The following GCH1 variants were observed in gnomAD, a reference collection of about 807,000 sequenced individuals.
GCH1 encodes GTP cyclohydrolase I.
A neutral mutation model predicts 25.9 loss-of-function variants in GCH1; 5 were observed. The observed-to-expected ratio is 0.19, with a 90% CI of 0.10 to 0.41. The LOEUF (loss-of-function observed/expected upper bound fraction) is 0.41. GCH1 is among the 10% of genes least tolerant of loss of function. The probability of loss-of-function intolerance (pLI) is 1.00; values close to 1 mark genes in which losing one functional copy is unlikely to be tolerated. For synonymous variants in GCH1, 159 were observed against 129.6 expected, an observed-to-expected ratio of 1.23 and a Z score of -1.54; for missense variants, 261 against 336.5, an observed-to-expected ratio of 0.78 and a Z score of 1.75.
rs1325201177 is a variant in GCH1, at chr14:54,843,517, G to A, written c.*500C>T. ...AAAAATATATTTTTAAATGTCACTGGTGGTTTAATAAACATGACCAAAGTG... is the reference window on the plus strand; with the variant it reads ...AAAAATATATTTTTAAATGTCACTGATGGTTTAATAAACATGACCAAAGTG... On this transcript the variant is annotated 3_prime_UTR_variant, in exon 6 of 6. Transcript: ENST00000491895. The A allele has an allele frequency of 3.8e-6, 5 of 1,310,740 alleles. No individual in the cohort carries two copies. Among genetic ancestry groups the A allele is most frequent in the Non-Finnish European group, 3.9e-6 (4 of 1,031,264 alleles). 81.2% of individuals were successfully genotyped at this position (1,310,740 alleles called of 1,614,324 possible).
intron 1 of GCH1, among the ~76,000 whole-genome samples, chr14:54,892,426 C>T (rs1304234742): frequency 6.6e-6 from 1 of 152,116 alleles, no homozygotes; most frequent in African/African-American, 2.4e-5. Context: ...TGGTGGCTCA[C>T]GCCTGTAATC....
At chr14:54,879,038 G>A (rs1003515543) in intron 1 of GCH1, among the ~76,000 whole-genome samples, 2 of 152,130 alleles carry the variant, frequency 1.3e-5, no homozygotes, top group African/African-American at 4.8e-5. Flanking sequence ...CGAATTACAG[G>A]TGTGAGCCAC....
intron 3 of GCH1, among the ~76,000 whole-genome samples, chr14:54,858,581 C>T (rs922689108): frequency 1.3e-5 from 2 of 151,888 alleles, no homozygotes; most frequent in African/African-American, 2.4e-5. Flanking sequence ...AGACGGCACC[C>T]GGCCGAGACT....
At chr14:54,889,090 A>T (rs2040392536) in intron 1 of GCH1, among the ~76,000 whole-genome samples, 2 of 152,186 alleles carry the variant, frequency 1.3e-5, no homozygotes, top group Non-Finnish European at 2.9e-5. Flanking sequence ...TAACAGCTGG[A>T]GGCTGTCAGC....
In GCH1 at chr14:54,843,954, G is replaced by A. The variant is rs1425524790; in HGVS notation, c.*63C>T. ...GAAAATGGAATGTACAAACAAGACC[G>A]GACAGACAGACAATGCTACTGGCAG... On this transcript the variant is annotated 3_prime_UTR_variant, in exon 6 of 6. Coordinates refer to ENST00000491895, the MANE Select transcript of GCH1 (RefSeq NM_000161.3). The A allele has an allele frequency of 8.8e-5, 142 of 1,613,668 alleles. No individual in the cohort carries two copies. The highest frequency in any genetic ancestry group is 1.3e-4 in the East Asian group (6 of 44,896).
chr14:54,881,217 T>C (rs2040267992), intron 1 of GCH1, among the ~76,000 whole-genome samples: 1 of 152,016 alleles, frequency 6.6e-6, no homozygotes, highest in Admixed American at 6.6e-5. Context: ...GAAACAAACA[T>C]TAAAAAAACA....
chr14:54,875,796 G>C (rs1328129152), intron 1 of GCH1, among the ~76,000 whole-genome samples: 1 of 152,158 alleles, frequency 6.6e-6, no homozygotes, highest in Non-Finnish European at 1.5e-5. Flanking sequence ...ACCACAATGA[G>C]ATACCATCTT....
At chr14:54,844,945 G>A (rs1479595182) in intron 5 of GCH1, among the ~76,000 whole-genome samples, 1 of 152,216 alleles carries the variant, frequency 6.6e-6, no homozygotes, top group African/African-American at 2.4e-5. Context: ...GCTGAGGTGG[G>A]CAGATCACTT....
At chr14:54,851,906 A>G (rs979024519) in intron 3 of GCH1, among the ~76,000 whole-genome samples, 2 of 152,232 alleles carry the variant, frequency 1.3e-5, no homozygotes, top group Admixed American at 1.3e-4. Flanking sequence ...TCATGCTGCT[A>G]TAAAGACACA....
chr14:54,898,283 T>C (rs775660055), intron 1 of GCH1, among the ~76,000 whole-genome samples: 1 of 152,176 alleles, frequency 6.6e-6, no homozygotes, highest in South Asian at 2.1e-4. Flanking sequence ...AGTAAAAATA[T>C]AGTAGAAAAG....
At chr14:54,871,273 C>T (rs181570446) in intron 1 of GCH1, among the ~76,000 whole-genome samples, 3,853 of 152,238 alleles carry the variant, frequency 0.025, 158 homozygotes, top group African/African-American at 0.088. Flanking sequence ...TCCAACAGAC[C>T]GGCAGCTGAG....
chr14:54,899,245 G>C (rs1484721238), intron 1 of GCH1, among the ~76,000 whole-genome samples: 1 of 152,104 alleles, frequency 6.6e-6, no homozygotes, highest in East Asian at 1.9e-4. Flanking sequence ...CAGATCCCTT[G>C]AGCTCAGGAG....
chr14:54,850,552 A>G (rs1156323775), intron 3 of GCH1, among the ~76,000 whole-genome samples: 1 of 151,882 alleles, frequency 6.6e-6, no homozygotes, highest in Non-Finnish European at 1.5e-5. Flanking sequence ...GGTTTGTTAC[A>G]TATGTATGTA....
chr14:54,854,091 C>T lies in GCH1; in HGVS notation c.509+5590G>A, dbSNP rs184881235. Among the ~76,000 whole-genome samples, 604 of 152,224 alleles carry T rather than the reference C, an allele frequency of 4.0e-3. 5 individuals are homozygous for T. Among genetic ancestry groups the T allele is most frequent in the African/African-American group, 0.014 (564 of 41,532 alleles). Reference sequence around the variant, plus strand: ...CGTCTCATTCCTAGATATCAGACTCCCCAGCAACCTATGATACAAGATTTT... The same window carrying T: ...CGTCTCATTCCTAGATATCAGACTCTCCAGCAACCTATGATACAAGATTTT... On this transcript the variant is annotated intron_variant, in intron 3 of 5. Transcript: ENST00000491895.
chr14:54,898,844 T>A (rs1566685418), intron 1 of GCH1, among the ~76,000 whole-genome samples: 1 of 152,174 alleles, frequency 6.6e-6, no homozygotes. Flanking sequence ...GGTCTCTTTC[T>A]AACTCCTAAC....
chr14:54,889,109 C>A (rs1005601269), intron 1 of GCH1, among the ~76,000 whole-genome samples: 1 of 152,132 alleles, frequency 6.6e-6, no homozygotes, highest in Admixed American at 6.5e-5. Flanking sequence ...GCAAACTGTT[C>A]CTTGAAGCTG....
chr14:54,857,759 A>G (rs1158036710), intron 3 of GCH1, among the ~76,000 whole-genome samples: 2 of 148,244 alleles, frequency 1.3e-5, no homozygotes, highest in Non-Finnish European at 2.9e-5. Flanking sequence ...AGTTACTGGG[A>G]AGGGAGTCGT....
chr14:54,876,047 C>T (rs1201853222), intron 1 of GCH1, among the ~76,000 whole-genome samples: 4 of 152,138 alleles, frequency 2.6e-5, no homozygotes, highest in Non-Finnish European at 5.9e-5. Context: ...CACATGCACA[C>T]GTATGTTTAC....
At chr14:54,853,358 A>G (rs1341680008) in intron 3 of GCH1, among the ~76,000 whole-genome samples, 1 of 152,186 alleles carries the variant, frequency 6.6e-6, no homozygotes, top group Non-Finnish European at 1.5e-5. Context: ...GAATGTGTCT[A>G]TGAGTTCCTT....
Sources: allele counts gnomAD v4.1 joint callset (sites outside exome capture counted in the v4.1 genomes callset), GRCh38; gene constraint gnomAD v4.1.1; transcripts MANE v1.5; gene names NCBI Gene and HGNC (gene_info 2026-07-23, HGNC 2026-07-21).